CLCC1: variants seen among roughly 807,000 people sequenced by gnomAD.
The protein encoded by CLCC1 is chloride channel CLIC like 1.
In CLCC1, 39 loss-of-function variants were observed where a neutral mutation model predicts 63.3. That is an observed-to-expected ratio of 0.62 (90% confidence interval 0.48 to 0.81). CLCC1 has a LOEUF of 0.81. CLCC1 is among the 30% of genes least tolerant of loss of function. The pLI is 0.00. For missense variants in CLCC1, 549 were observed against 669.4 expected, an observed-to-expected ratio of 0.82 and a Z score of 1.98; for synonymous variants, 217 against 239.8, an observed-to-expected ratio of 0.90 and a Z score of 0.88.
rs930612902 is a variant in CLCC1, at chr1:108,931,182, A to G, written c.*1365T>C. 2 of 901,120 alleles carry G rather than the reference A, an allele frequency of 2.2e-6. No homozygotes were observed. The highest frequency in any genetic ancestry group is 3.1e-6 in the Non-Finnish European group (2 of 636,250). 55.8% of individuals were successfully genotyped at this position (901,120 alleles called of 1,614,324 possible). On this transcript the variant is annotated 3_prime_UTR_variant, in exon 13 of 13. Transcript: ENST00000369969. The stretch of plus-strand genomic sequence containing the variant: ...AATATAAAAACAAAAAACAAAACCC[A>G]TGTGGTTAGGTCAAGAACCTAGGAC...
chr1:108,935,082 A>C, intron 11 of CLCC1, 140 bp from the exon 12 acceptor site: 1 of 780,522 alleles, frequency 1.3e-6, no homozygotes, highest in Non-Finnish European at 2.0e-6. Context: ...GCTGGGTTAT[A>C]ATTATATAAA....
chr1:108,963,316 A>G, intron 1 of CLCC1, 45 bp downstream of exon 1: 1 of 671,564 alleles, frequency 1.5e-6, no homozygotes. Flanking sequence ...ACGGCGGGTA[A>G]CCCGCCCCAC....
intron 2 of CLCC1, 118 bp from the exon 3 acceptor site, chr1:108,950,566 G>C (rs1655062214): frequency 4.1e-6 from 2 of 489,396 alleles, no homozygotes; most frequent in African/African-American, 4.2e-5. Context: ...CTATTGCCCA[G>C]GCTGGAGTAC....
chr1:108,944,195 CA>C (rs2101657029), intron 5 of CLCC1, 138 bp from the exon 6 acceptor site: 1 of 667,842 alleles, frequency 1.5e-6, no homozygotes, highest in East Asian at 2.7e-5. Context: ...ATAGCCTGGG[CA>C]AGGTAGCTCA....
chr1:108,959,678 C>A (rs1338392796), intron 2 of CLCC1, among the ~76,000 whole-genome samples: 3 of 152,276 alleles, frequency 2.0e-5, no homozygotes, highest in Non-Finnish European at 4.4e-5. Context: ...AAGTTTCAGG[C>A]ATTTACTAGG....
chr1:108,933,161 T>C (rs1652305584), intron 12 of CLCC1: 1 of 143,990 alleles, frequency 6.9e-6, no homozygotes, highest in Non-Finnish European at 1.5e-5. Flanking sequence ...TAAAATTACA[T>C]TGTTACAGGC....
chr1:108,936,007 T>C lies in CLCC1; in HGVS notation c.1384-1065A>G, dbSNP rs1429735544. On this transcript the variant is annotated intron_variant, in intron 11 of 12. Coordinates refer to ENST00000369969, the MANE Select transcript of CLCC1 (RefSeq NM_001377458.1). ...ATACTGGCTTTCCCCTCAAGTGAGA[T>C]AGGAAGTCACTGGAAGACTTCTGAG... Among the ~76,000 whole-genome samples the C allele has an allele frequency of 1.3e-4, 19 of 150,828 alleles. No individual in the cohort carries two copies. In the East Asian group the frequency reaches 2.3e-3, roughly 19 times the overall value.
At chr1:108,959,193 A>T (rs1285739692) in intron 2 of CLCC1, among the ~76,000 whole-genome samples, 1 of 152,082 alleles carries the variant, frequency 6.6e-6, no homozygotes, top group Admixed American at 6.5e-5. Context: ...TAAATAAATA[A>T]ATATATGAAA....
intron 2 of CLCC1, among the ~76,000 whole-genome samples, chr1:108,953,134 A>G (rs575959874): frequency 2.6e-5 from 4 of 152,322 alleles, no homozygotes; most frequent in South Asian, 2.1e-4. Context: ...CCTACTACAT[A>G]TAAGAATCAG....
intron 8 of CLCC1, among the ~76,000 whole-genome samples, chr1:108,940,400 G>C (rs958939283): frequency 1.3e-5 from 2 of 152,072 alleles, no homozygotes; most frequent in Admixed American, 1.3e-4. Context: ...ATGTCTAAAA[G>C]GTAAACACTT....
rs928543891 is a variant in CLCC1 at position 108,932,089 on chromosome 1, A to G, written c.*458T>C. 1 of 151,896 alleles carries G rather than the reference A, an allele frequency of 6.6e-6. No homozygotes were observed. Among genetic ancestry groups the G allele is most frequent in the Non-Finnish European group, 1.5e-5 (1 of 68,080 alleles). 9.4% of individuals were successfully genotyped at this position (151,896 alleles called of 1,614,324 possible). A position where few individuals can be genotyped will look rare whatever the true frequency, so the allele number is the denominator to read the frequency against. On this transcript the variant is annotated 3_prime_UTR_variant, in exon 13 of 13. Transcript: ENST00000369969. ...GGAGTTCGAGACCAGCCTGACCAAC[A>G]TGGTGAAACCCCATCTCTACTAAAA... is the stretch of plus-strand genomic sequence containing the variant.
intron 2 of CLCC1, among the ~76,000 whole-genome samples, chr1:108,956,375 C>A (rs1333150680): frequency 6.6e-6 from 1 of 151,360 alleles, no homozygotes; most frequent in Non-Finnish European, 1.5e-5. Context: ...ACAGCCATTA[C>A]ACTTGGCCAG....
chr1:108,929,573 GATT>G lies in CLCC1; in HGVS notation c.*2971_*2973del. 1 of 792,176 alleles carries G rather than the reference GATT, an allele frequency of 1.3e-6. No individual in the cohort carries two copies. Among genetic ancestry groups the G allele is most frequent in the Non-Finnish European group, 2.2e-6 (1 of 464,424 alleles). The allele number at this position is 792,176 out of a possible 1,614,324, so 49.1% of individuals were successfully genotyped here. A position where few individuals can be genotyped will look rare whatever the true frequency, so the allele number is the denominator to read the frequency against. ...CTAAAGAGAACAATATAAAAACAAA[GATT>G]AATTTCTGAGAAGCCCCAAATAAAA... On this transcript the variant is annotated 3_prime_UTR_variant, in exon 13 of 13. Coordinates refer to ENST00000369969, the MANE Select transcript of CLCC1 (RefSeq NM_001377458.1).
At chr1:108,945,511 A>G (rs1654425250) in intron 5 of CLCC1, among the ~76,000 whole-genome samples, 1 of 152,198 alleles carries the variant, frequency 6.6e-6, no homozygotes, top group Non-Finnish European at 1.5e-5. Context: ...ACCACTCTTC[A>G]CTGTGTCCCA....
chr1:108,941,877 C>CTCAG (rs1267980493), intron 7 of CLCC1, among the ~76,000 whole-genome samples: 1 of 152,064 alleles, frequency 6.6e-6, no homozygotes, highest in African/African-American at 2.4e-5. Flanking sequence ...TGGTCTTGAA[C>CTCAG]TCCTGACCTC....
chr1:108,931,224 A>G lies in CLCC1; in HGVS notation c.*1323T>C. 1 of 1,340,210 alleles carries G rather than the reference A, an allele frequency of 7.5e-7. No homozygotes were observed. Among genetic ancestry groups the G allele is most frequent in the South Asian group, 1.6e-5 (1 of 64,224 alleles). The allele number at this position is 1,340,210 out of a possible 1,614,324, so 83.0% of individuals were successfully genotyped here. On this transcript the variant is annotated 3_prime_UTR_variant, in exon 13 of 13. Coordinates refer to ENST00000369969, the MANE Select transcript of CLCC1 (RefSeq NM_001377458.1). ...ACCTAGGACACATAAACAAACAGAAAACAGATGAAAACTCACAAAAATTAA... is the reference window on the plus strand; with the variant it reads ...ACCTAGGACACATAAACAAACAGAAGACAGATGAAAACTCACAAAAATTAA...
rs1040045051 is a variant in CLCC1, at chr1:108,957,584, G to A, written c.-12+4725C>T. On this transcript the variant is annotated intron_variant, in intron 2 of 12. Coordinates refer to ENST00000369969, the MANE Select transcript of CLCC1 (RefSeq NM_001377458.1). ...TAACATCTCTTGCTACTCTAATACA[G>A]AAATACACTATAGAAATTGCTGAAA... 3.3e-5 allele frequency among the ~76,000 whole-genome samples: 5 copies of A among 151,554 alleles called. 1 individual carries two copies. The highest frequency in any genetic ancestry group is 1.2e-4 in the African/African-American group (5 of 40,818).
At chr1:108,953,449 G>T (rs1260842874) in intron 2 of CLCC1, among the ~76,000 whole-genome samples, 2 of 152,130 alleles carry the variant, frequency 1.3e-5, no homozygotes, top group Non-Finnish European at 2.9e-5. Context: ...CAGGCACTTC[G>T]ATCTTTTTAA....
chr1:108,929,821 CAGAGAGTTCTTTTACAA>C lies in CLCC1; in HGVS notation c.*2709_*2725del, dbSNP rs1325738423. On this transcript the variant is annotated 3_prime_UTR_variant, in exon 13 of 13. Transcript: ENST00000369969. Reference sequence around the variant, plus strand: ...GTCCCAGGGAAAGAGAATGGATGAACAGAGAGTTCTTTTACAAAGAGATCAAAACAGAGACACTGACT... The same window carrying C: ...GTCCCAGGGAAAGAGAATGGATGAACAGAGATCAAAACAGAGACACTGACT... The C allele has an allele frequency of 6.2e-7, 1 of 1,614,026 alleles. No individual in the cohort carries two copies. The highest frequency in any genetic ancestry group is 8.5e-7 in the Non-Finnish European group (1 of 1,179,938).
Sources: gnomAD v4.1 joint callset for allele counts (sites outside exome capture counted in the v4.1 genomes callset) on GRCh38, gnomAD v4.1.1 for gene constraint, MANE v1.5 for transcripts, NCBI Gene and HGNC (gene_info 2026-07-23, HGNC 2026-07-21) for gene names.